Variants in ESYT3 observed in about 807,000 individuals in gnomAD.
ESYT3 encodes extended synaptotagmin-3.
Under a neutral mutation model 111.5 loss-of-function variants are expected in ESYT3, and 101 were observed. The observed-to-expected ratio is 0.91, with a 90% CI of 0.77 to 1.07. The LOEUF is 1.07. ESYT3 is among the 50% of genes least tolerant of loss of function. The pLI is 0.00. For missense variants in ESYT3, 1,097 were observed against 1,109.4 expected, an observed-to-expected ratio of 0.99 and a Z score of 0.16; for synonymous variants, 416 against 446.8, an observed-to-expected ratio of 0.93 and a Z score of 0.87.
At chr3:138,437,681 A>G (rs755317122) in intron 1 of ESYT3, among the ~76,000 whole-genome samples, 23 of 152,258 alleles carry the variant, frequency 1.5e-4, no homozygotes, top group Middle Eastern at 3.4e-3. Context: ...GGGACGAGGA[A>G]GGCTGGAGGA....
rs1263237031 is a variant in ESYT3 at position 138,477,731 on chromosome 3, TATTAA to T, written c.*882_*886del. On this transcript the variant is annotated 3_prime_UTR_variant, in exon 23 of 23. Coordinates refer to ENST00000389567, the MANE Select transcript of ESYT3 (RefSeq NM_031913.5). ...CCTAAATAACATGTTAAAAGCAAAG[TATTAA>T]ATTATATGCTTAAACAAGCGCCTCT... 1.3e-5 allele frequency: 2 copies of T among 152,186 alleles called. No individual in the cohort carries two copies. Among genetic ancestry groups the T allele is most frequent in the Non-Finnish European group, 2.9e-5 (2 of 68,040 alleles). The allele number at this position is 152,186 out of a possible 1,614,324, so 9.4% of individuals were successfully genotyped here.
chr3:138,465,437 C>G lies in ESYT3; in HGVS notation c.1169+16C>G, dbSNP rs1427771606. On this transcript the variant is annotated intron_variant, in intron 10 of 22. Transcript: ENST00000389567. ...TCCTGGGCAGGTGAGGAGGAGGGCG[C>G]ACAGCTGGGCCTGGAGGCAGCCTTC... The G allele has an allele frequency of 6.3e-7, 1 of 1,575,338 alleles. No homozygotes were observed. The highest frequency in any genetic ancestry group is 1.3e-5 in the African/African-American group (1 of 74,352).
At chr3:138,445,222 G>A (rs1344800494) in intron 1 of ESYT3, among the ~76,000 whole-genome samples, 6 of 152,202 alleles carry the variant, frequency 3.9e-5, no homozygotes, top group African/African-American at 7.2e-5. Flanking sequence ...TCCCAGCCTC[G>A]TGGGGAACTG....
At chr3:138,436,820 G>A (rs916904393) in intron 1 of ESYT3, among the ~76,000 whole-genome samples, 1 of 152,194 alleles carries the variant, frequency 6.6e-6, no homozygotes, top group African/African-American at 2.4e-5. Flanking sequence ...GTGGGCCTGC[G>A]AGTCTTCACC....
Position 138,476,446 on chromosome 3 carries a change from C to T in ESYT3, c.2578C>T (p.Leu860=), listed in dbSNP as rs570136305. The T allele has an allele frequency of 1.2e-6, 2 of 1,613,856 alleles. No homozygotes were observed. The highest frequency in any genetic ancestry group is 2.2e-5 in the East Asian group (1 of 44,870). The change falls in exon 22 of 23, where the codon CTG becomes TTG. Residue 860 remains leucine (L), a synonymous_variant. Coordinates refer to ENST00000389567, the MANE Select transcript of ESYT3 (RefSeq NM_031913.5). The part of the protein sequence containing the change: ...SHRRKELGKV[L]IDLSKEDLIK... ...CTAATTATTTGTGATTATTTAGGTA[C>T]TGATTGACTTATCAAAAGAAGATCT... is the stretch of plus-strand genomic sequence containing the variant.
Position 138,473,558 on chromosome 3 carries a change from C to T in ESYT3, c.2260C>T (p.Gln754Ter), listed in dbSNP as rs559816500. The T allele has an allele frequency of 6.2e-7, 1 of 1,613,700 alleles. No individual in the cohort carries two copies. Among genetic ancestry groups the T allele is most frequent in the South Asian group, 1.1e-5 (1 of 91,070 alleles). Reference sequence around the variant, plus strand: ...CAGAGGTGGGGACCTCAGGCGACGGCAGCTGGGTGAGATTCAGCTCACAGT... The same window carrying T: ...CAGAGGTGGGGACCTCAGGCGACGGTAGCTGGGTGAGATTCAGCTCACAGT... Reference protein sequence around the residue: ...NIEGGDLRRRQLGEIQLTVRY... With the variant: ...NIEGGDLRRR The change falls in exon 19 of 23, where the codon CAG becomes TAG. Residue 754 changes from glutamine (Q) to a stop codon, truncating the protein, a stop_gained. Coordinates refer to ENST00000389567, the MANE Select transcript of ESYT3 (RefSeq NM_031913.5). LOFTEE classifies it high-confidence loss of function.
chr3:138,471,126 G>T, intron 17 of ESYT3, 100 bp downstream of exon 17: 1 of 925,074 alleles, frequency 1.1e-6, no homozygotes. Flanking sequence ...GTGCCTGGAA[G>T]AAGCCAGGAG....
intron 1 of ESYT3, among the ~76,000 whole-genome samples, chr3:138,437,385 T>A (rs1426496150): frequency 6.6e-6 from 1 of 152,234 alleles, no homozygotes; most frequent in African/African-American, 2.4e-5. Context: ...CTCGCCTGGC[T>A]GGCTTGTCTG....
At chr3:138,467,454 A>T in intron 10 of ESYT3, 107 bp from the exon 11 acceptor site, 1 of 1,123,430 alleles carries the variant, frequency 8.9e-7, no homozygotes, top group Non-Finnish European at 1.4e-6. Context: ...CCTCTGTCTT[A>T]ATGGCCGCAC....
chr3:138,470,279 C>A, intron 16 of ESYT3, 133 bp downstream of exon 16: 1 of 1,378,514 alleles, frequency 7.3e-7, no homozygotes, highest in Non-Finnish European at 9.5e-7. Flanking sequence ...TAAGAGAGGA[C>A]ACTGAGGCCC....
chr3:138,465,398 C>A lies in ESYT3; in HGVS notation c.1146C>A (p.Thr382=). ...DLEVDLYDED[T]DRDDFLGSLQ... ...AGGTAGACCTGTATGATGAGGATAC[C>A]GACAGGGATGACTTCCTGGGCAGGT... The change falls in exon 10 of 23, where the codon ACC becomes ACA. Residue 382 remains threonine (T), a synonymous_variant. Transcript: ENST00000389567. 2 of 1,594,634 alleles carry A rather than the reference C, an allele frequency of 1.3e-6. No individual in the cohort carries two copies. The highest frequency in any genetic ancestry group is 1.7e-6 in the Non-Finnish European group (2 of 1,171,298).
chr3:138,444,215 C>T (rs184591512), intron 1 of ESYT3, among the ~76,000 whole-genome samples: 94 of 152,262 alleles, frequency 6.2e-4, no homozygotes, highest in Non-Finnish European at 2.6e-4. Context: ...GCCTGGAATG[C>T]GTCGGCTCAA....
chr3:138,459,836 G>A (rs2032520582), intron 5 of ESYT3, 109 bp from the exon 6 acceptor site: 1 of 913,270 alleles, frequency 1.1e-6, no homozygotes, highest in Non-Finnish European at 1.7e-6. Context: ...GCCCTGACAT[G>A]TGGGGCAGCG....
Position 138,434,905 on chromosome 3 carries a change from G to T in ESYT3, c.107G>T (p.Cys36Phe). The change falls in exon 1 of 23, where the codon TGT becomes TTT. Residue 36 changes from cysteine to phenylalanine, a missense_variant. Physicochemically the swap from Cys to Phe is radical, Grantham distance 205. Transcript: ENST00000389567. The stretch of plus-strand genomic sequence containing the variant: ...TCCAGCCAGCTGCTGCCCGAGCTCT[G>T]TACCTTCGTGGTGCGCGTGCTGTTC... ...RLSSQLLPELCTFVVRVLFYL... is the reference protein window; with the variant it reads ...RLSSQLLPELFTFVVRVLFYL... 4.5e-6 allele frequency: 7 copies of T among 1,551,444 alleles called. No individual in the cohort carries two copies. The highest frequency in any genetic ancestry group is 6.1e-6 in the Non-Finnish European group (7 of 1,147,082).
rs1351901246 is a variant in ESYT3, at chr3:138,459,274, C to T, written c.648+21C>T. ...TCCAGGTGGGTGGAGCCCGGTGGGG[C>T]TGCCTCTGTTCCAGCCCCCAGGGTG... On this transcript the variant is annotated intron_variant, in intron 5 of 22. Coordinates refer to ENST00000389567, the MANE Select transcript of ESYT3 (RefSeq NM_031913.5). 2.0e-6 allele frequency: 3 copies of T among 1,533,988 alleles called. No individual in the cohort carries two copies. The South Asian group carries it at 3.8e-5, about 20-fold the overall frequency.
chr3:138,446,064 A>AT (rs1560214209), intron 1 of ESYT3, among the ~76,000 whole-genome samples: 1 of 152,210 alleles, frequency 6.6e-6, no homozygotes, highest in Admixed American at 6.5e-5. Context: ...GAGTCTCCTC[A>AT]TTTGTAAAAG....
intron 5 of ESYT3, 56 bp downstream of exon 5, chr3:138,459,309 GA>G: frequency 7.0e-7 from 1 of 1,437,636 alleles, no homozygotes; most frequent in South Asian, 1.4e-5. Context: ...GGGGATCAGG[GA>G]AGGGGAAGCC....
intron 22 of ESYT3, 26 bp from the exon 23 acceptor site, chr3:138,476,792 T>G (rs2033503947): frequency 6.2e-7 from 1 of 1,612,788 alleles, no homozygotes; most frequent in Non-Finnish European, 8.5e-7. Context: ...TTACTAACGT[T>G]AAGTCCAAAC....
At chr3:138,437,779 C>G (rs1054471061) in intron 1 of ESYT3, among the ~76,000 whole-genome samples, 2 of 152,022 alleles carry the variant, frequency 1.3e-5, no homozygotes, top group Non-Finnish European at 2.9e-5. Context: ...ACTTTAGATG[C>G]GTGGTGGCCT....
Sources: allele counts gnomAD v4.1 joint callset (sites outside exome capture counted in the v4.1 genomes callset), GRCh38; gene constraint gnomAD v4.1.1; transcripts MANE v1.5; gene names NCBI Gene and HGNC (gene_info 2026-07-23, HGNC 2026-07-21).